Variants in RAD51B observed in about 807,000 individuals in gnomAD.
RAD51B encodes DNA repair protein RAD51 homolog 2.
A neutral mutation model predicts 42.2 loss-of-function variants in RAD51B; 38 were observed. The observed-to-expected ratio is 0.90, with a 90% CI of 0.70 to 1.18. The LOEUF (loss-of-function observed/expected upper bound fraction) is 1.18. Among genes scored for constraint, RAD51B ranks in the 50% most tolerant of loss-of-function variants. The pLI is 0.00. For synonymous variants in RAD51B, 154 were observed against 145.2 expected, an observed-to-expected ratio of 1.06 and a Z score of -0.43; for missense variants, 373 against 400.7, an observed-to-expected ratio of 0.93 and a Z score of 0.59.
intron 7 of RAD51B, among the ~76,000 whole-genome samples, chr14:68,113,440 A>G (rs1284136055): frequency 6.6e-5 from 10 of 152,094 alleles, no homozygotes; most frequent in Non-Finnish European, 1.5e-4. Flanking sequence ...CATGCATTAA[A>G]CTCTCAATGT....
At chr14:68,599,131 C>T (rs886829452), downstream of RAD51B, among the ~76,000 whole-genome samples, 4 of 152,206 alleles carry the variant, frequency 2.6e-5, no homozygotes, top group South Asian at 2.1e-4. Flanking sequence ...CGTCGGACAT[C>T]GGCCAGTACC....
chr14:68,326,122 C>T (rs569979031), intron 8 of RAD51B, among the ~76,000 whole-genome samples: 61 of 146,254 alleles, frequency 4.2e-4, no homozygotes, highest in Non-Finnish European at 6.8e-4. Flanking sequence ...CTCACTGCAA[C>T]CTTCGCCTCC....
chr14:68,213,881 T>A (rs1281119363), intron 7 of RAD51B, among the ~76,000 whole-genome samples: 1 of 152,164 alleles, frequency 6.6e-6, no homozygotes, highest in Non-Finnish European at 1.5e-5. Flanking sequence ...TTAACATAGT[T>A]ACATGATGAG....
intron 10 of RAD51B, among the ~76,000 whole-genome samples, chr14:68,601,453 G>A (rs1054587941): frequency 1.3e-5 from 2 of 152,140 alleles, no homozygotes; most frequent in Non-Finnish European, 2.9e-5. Flanking sequence ...CCCTAAAGGG[G>A]GCTGGGAGAG....
At chr14:68,109,273 G>T (rs1218980165) in intron 7 of RAD51B, among the ~76,000 whole-genome samples, 1 of 151,932 alleles carries the variant, frequency 6.6e-6, no homozygotes, top group Non-Finnish European at 1.5e-5. Context: ...ATGATTAATG[G>T]TTTGTTAAAA....
At chr14:68,258,433 T>A (rs565430369) in intron 7 of RAD51B, among the ~76,000 whole-genome samples, 168 of 143,338 alleles carry the variant, frequency 1.2e-3, no homozygotes, top group African/African-American at 2.2e-3. Flanking sequence ...ACACACACAC[T>A]CTCTCTCTCT....
At chr14:67,862,633 T>C (rs1253398934) in intron 4 of RAD51B, among the ~76,000 whole-genome samples, 1 of 152,204 alleles carries the variant, frequency 6.6e-6, no homozygotes, top group African/African-American at 2.4e-5. Context: ...CCTTGCATCT[T>C]TGTAATTATC....
At chr14:68,079,398 A>G (rs1171539022) in intron 7 of RAD51B, among the ~76,000 whole-genome samples, 1 of 152,292 alleles carries the variant, frequency 6.6e-6, no homozygotes, top group South Asian at 2.1e-4. Context: ...ATTTTGGGGC[A>G]TTTTAAAAAT....
chr14:68,264,252 C>T (rs906148543), intron 7 of RAD51B, among the ~76,000 whole-genome samples: 8 of 152,156 alleles, frequency 5.3e-5, no homozygotes, highest in African/African-American at 1.9e-4. Flanking sequence ...TCATGTTGGT[C>T]AACATGCCTA....
intron 5 of RAD51B, among the ~76,000 whole-genome samples, chr14:67,876,188 TTGAATGA>T (rs1353405520): frequency 0.03 from 2 of 66 alleles, no homozygotes; most frequent in Non-Finnish European, 0.056. Flanking sequence ...GTAATATATA[TTGAATGA>T]TGAATGAACA....
intron 10 of RAD51B, among the ~76,000 whole-genome samples, chr14:68,632,760 C>T (rs942621446): frequency 6.6e-6 from 1 of 152,082 alleles, no homozygotes; most frequent in Non-Finnish European, 1.5e-5. Context: ...GCCCACCCTA[C>T]TCAGCGCAAT....
chr14:67,838,580 C>T (rs981650240), intron 4 of RAD51B, among the ~76,000 whole-genome samples: 1 of 152,006 alleles, frequency 6.6e-6, no homozygotes, highest in African/African-American at 2.4e-5. Flanking sequence ...GTAGCTAGGA[C>T]TACAGGTGTG....
chr14:68,262,375 C>T (rs2080908018), intron 7 of RAD51B, among the ~76,000 whole-genome samples: 3 of 152,198 alleles, frequency 2.0e-5, no homozygotes, highest in Non-Finnish European at 4.4e-5. Context: ...CCTTGGGAGG[C>T]ATTCCCTTCC....
At chr14:68,221,373 C>T (rs1275672553) in intron 7 of RAD51B, among the ~76,000 whole-genome samples, 1 of 151,824 alleles carries the variant, frequency 6.6e-6, no homozygotes, top group African/African-American at 2.4e-5. Flanking sequence ...ATAGAGAACC[C>T]AGAAATAAAG....
At chr14:68,276,888 C>T (rs138350371) in intron 7 of RAD51B, among the ~76,000 whole-genome samples, 2 of 152,218 alleles carry the variant, frequency 1.3e-5, no homozygotes, top group Non-Finnish European at 2.9e-5. Context: ...GGGTCTTGGG[C>T]CCTCAAAGCC....
rs537263152 is a variant in RAD51B at position 68,405,226 on chromosome 14, T to TA, written c.854-6192dup. 1.5e-3 allele frequency among the ~76,000 whole-genome samples: 225 copies of TA among 152,262 alleles called. 1 individual carries two copies. Among genetic ancestry groups the TA allele is most frequent in the Admixed American group, 4.1e-3 (63 of 15,292 alleles). Reference sequence around the variant, plus strand: ...ACATAGTGCCTAGCACATAGTACCTTAAAAAATATTGCCTTTCCACCTTGG... The same window carrying TA: ...ACATAGTGCCTAGCACATAGTACCTTAAAAAAATATTGCCTTTCCACCTTGG... On this transcript the variant is annotated intron_variant, in intron 8 of 10. Transcript: ENST00000471583.
chr14:68,630,729 G>C (rs56388123), intron 10 of RAD51B, among the ~76,000 whole-genome samples: 59,552 of 151,410 alleles, frequency 0.39, 12,496 homozygotes, highest in African/African-American at 0.49. Flanking sequence ...CCTTTTTTTC[G>C]TATGTTCTAC....
chr14:68,599,274 C>T (rs969013522), downstream of RAD51B, among the ~76,000 whole-genome samples: 2 of 152,190 alleles, frequency 1.3e-5, no homozygotes, highest in African/African-American at 4.8e-5. Flanking sequence ...ACGTGCTGGA[C>T]GTTATTCTAA....
intron 9 of RAD51B, among the ~76,000 whole-genome samples, chr14:68,463,234 C>T (rs1391574013): frequency 6.6e-6 from 1 of 151,810 alleles, no homozygotes; most frequent in Non-Finnish European, 1.5e-5. Flanking sequence ...GGCATTAATT[C>T]AGATCAAAAA....
Sources: allele counts gnomAD v4.1 joint callset (sites outside exome capture counted in the v4.1 genomes callset), GRCh38; gene constraint gnomAD v4.1.1; transcripts MANE v1.5; gene names NCBI Gene and HGNC (gene_info 2026-07-23, HGNC 2026-07-21).